Variants in SH3RF3 observed in about 807,000 individuals in gnomAD.
The protein encoded by SH3RF3 is E3 ubiquitin-protein ligase SH3RF3.
SH3RF3 carries 29 observed loss-of-function variants against 66.3 expected under a neutral mutation model. The observed-to-expected ratio is 0.44, with a 90% CI of 0.33 to 0.60. The LOEUF is 0.60. SH3RF3 is among the 20% of genes least tolerant of loss of function. The pLI, the probability that SH3RF3 is intolerant of heterozygous loss-of-function variation, is 0.04. For synonymous variants in SH3RF3, 583 were observed against 532.0 expected, an observed-to-expected ratio of 1.10 and a Z score of -1.32; for missense variants, 1,194 against 1,190.9, an observed-to-expected ratio of 1.00 and a Z score of -0.04.
At chr2:109,388,927 G>A (rs1230264051) in intron 3 of SH3RF3, among the ~76,000 whole-genome samples, 1 of 152,174 alleles carries the variant, frequency 6.6e-6, no homozygotes, top group Non-Finnish European at 1.5e-5. Context: ...TGAGGAGGTA[G>A]CAGGTGAGAA....
intron 1 of SH3RF3, among the ~76,000 whole-genome samples, chr2:109,155,523 G>C (rs377210876): frequency 2.0e-5 from 3 of 152,154 alleles, no homozygotes; most frequent in African/African-American, 4.8e-5. Flanking sequence ...GGGTGGTCTC[G>C]ATCTCCTGAC....
intron 1 of SH3RF3, among the ~76,000 whole-genome samples, chr2:109,178,908 ATGGACCATCTT>A (rs1368213121): frequency 6.6e-6 from 1 of 152,164 alleles, no homozygotes; most frequent in Non-Finnish European, 1.5e-5. Flanking sequence ...GAAAGTAGTT[ATGGACCATCTT>A]CCCTGTGTAA....
chr2:109,203,204 C>T (rs1351167850), intron 1 of SH3RF3, among the ~76,000 whole-genome samples: 5 of 152,188 alleles, frequency 3.3e-5, no homozygotes, highest in Non-Finnish European at 7.3e-5. Flanking sequence ...GCAAGAAGGA[C>T]CCTGCAGAGA....
chr2:109,361,586 G>A (rs1191110958), intron 2 of SH3RF3, among the ~76,000 whole-genome samples: 1 of 152,130 alleles, frequency 6.6e-6, no homozygotes, highest in Non-Finnish European at 1.5e-5. Flanking sequence ...CAATTCTCCT[G>A]CCTCAGCCTC....
chr2:109,160,443 A>G (rs1677462635), intron 1 of SH3RF3, among the ~76,000 whole-genome samples: 1 of 152,242 alleles, frequency 6.6e-6, no homozygotes, highest in South Asian at 2.1e-4. Flanking sequence ...TGTGCTTTCC[A>G]GCAACAGGGT....
chr2:109,129,253 CG>C lies in SH3RF3; in HGVS notation c.-284del. ...CCGGCAGCACCCCCGGTCCCCCGCG[CG>C]GGGCGGACTTGCGGCGGGACAGGTG... On this transcript the variant is annotated 5_prime_UTR_variant, in exon 1 of 10. Coordinates refer to ENST00000309415, the MANE Select transcript of SH3RF3 (RefSeq NM_001099289.3). 1 of 582,758 alleles carries C rather than the reference CG, an allele frequency of 1.7e-6. No homozygotes were observed. The highest frequency in any genetic ancestry group is 3.1e-6 in the Non-Finnish European group (1 of 327,436). The allele number at this position is 582,758 out of a possible 1,614,324, so 36.1% of individuals were successfully genotyped here.
At chr2:109,363,401 T>A (rs1683091075) in intron 2 of SH3RF3, among the ~76,000 whole-genome samples, 1 of 152,194 alleles carries the variant, frequency 6.6e-6, no homozygotes, top group South Asian at 2.1e-4. Context: ...GTGATTCATT[T>A]CTCTTGTACA....
intron 1 of SH3RF3, among the ~76,000 whole-genome samples, chr2:109,147,078 C>T (rs2104855157): frequency 6.6e-6 from 1 of 152,184 alleles, no homozygotes; most frequent in Non-Finnish European, 1.5e-5. Flanking sequence ...AAGTTCTCTT[C>T]TTCCCTGTCT....
intron 1 of SH3RF3, among the ~76,000 whole-genome samples, chr2:109,196,001 C>T (rs1316740665): frequency 1.4e-4 from 21 of 152,224 alleles, no homozygotes; most frequent in Admixed American, 1.4e-3. Flanking sequence ...CTCCCATTTG[C>T]AGTAGCAAAT....
At chr2:109,430,615 G>T (rs1008921406) in intron 5 of SH3RF3, among the ~76,000 whole-genome samples, 5 of 152,020 alleles carry the variant, frequency 3.3e-5, no homozygotes, top group Admixed American at 1.3e-4. Flanking sequence ...CAATACACAG[G>T]TACGTGTTGG....
At chr2:109,320,712 C>A (rs903949704) in intron 1 of SH3RF3, among the ~76,000 whole-genome samples, 2 of 152,160 alleles carry the variant, frequency 1.3e-5, no homozygotes, top group African/African-American at 4.8e-5. Flanking sequence ...AGATATCAGC[C>A]CCGCAGATGA....
intron 5 of SH3RF3, among the ~76,000 whole-genome samples, chr2:109,430,763 C>T (rs368134124): frequency 6.6e-6 from 1 of 152,248 alleles, no homozygotes; most frequent in South Asian, 2.1e-4. Context: ...GGTGGGGTGG[C>T]GGGGTCCTCT....
At chr2:109,245,304 C>T (rs1247381837) in intron 1 of SH3RF3, among the ~76,000 whole-genome samples, 1 of 151,756 alleles carries the variant, frequency 6.6e-6, no homozygotes, top group African/African-American at 2.4e-5. Flanking sequence ...AAGGTGAGGC[C>T]CATGCCTGTG....
At chr2:109,401,328 A>G (rs1676307702) in intron 4 of SH3RF3, among the ~76,000 whole-genome samples, 1 of 152,232 alleles carries the variant, frequency 6.6e-6, no homozygotes, top group South Asian at 2.1e-4. Flanking sequence ...GGTACCCCTA[A>G]GAAGAGGACT....
intron 1 of SH3RF3, among the ~76,000 whole-genome samples, chr2:109,298,854 C>G (rs1240162777): frequency 6.6e-6 from 1 of 152,222 alleles, no homozygotes; most frequent in Non-Finnish European, 1.5e-5. Context: ...AGCATCTATT[C>G]TCAAACAGTG....
At chr2:109,317,177 T>C (rs1353033728) in intron 1 of SH3RF3, among the ~76,000 whole-genome samples, 2 of 143,850 alleles carry the variant, frequency 1.4e-5, no homozygotes, top group African/African-American at 5.6e-5. Context: ...TTTGTGGATG[T>C]AAGTTTTCAT....
At chr2:109,334,084 T>C (rs1157712533) in intron 1 of SH3RF3, among the ~76,000 whole-genome samples, 1 of 152,136 alleles carries the variant, frequency 6.6e-6, no homozygotes, top group Non-Finnish European at 1.5e-5. Context: ...CAAAACCAGG[T>C]TCAGAGGCTC....
At chr2:109,372,697 C>G (rs1015964951) in intron 3 of SH3RF3, among the ~76,000 whole-genome samples, 2 of 152,202 alleles carry the variant, frequency 1.3e-5, no homozygotes, top group East Asian at 3.9e-4. Context: ...GCCAGCCCTT[C>G]ACTCTCCTGC....
rs117610070 is a variant in SH3RF3, at chr2:109,239,541, C to T, written c.574-108133C>T. Among the ~76,000 whole-genome samples, 19 of 152,258 alleles carry T rather than the reference C, an allele frequency of 1.2e-4. No individual in the cohort carries two copies. In the East Asian group the frequency reaches 3.5e-3, roughly 28 times the overall value. On this transcript the variant is annotated intron_variant, in intron 1 of 9. Transcript: ENST00000309415. ...TGGCCCCATATTTGACTCTGCGGTC[C>T]GATGAGGGACACGGGGTTAGTGGGC...
Sources: allele counts gnomAD v4.1 joint callset (sites outside exome capture counted in the v4.1 genomes callset), GRCh38; gene constraint gnomAD v4.1.1; transcripts MANE v1.5; gene names NCBI Gene and HGNC (gene_info 2026-07-23, HGNC 2026-07-21).